EFHD1: variants seen among roughly 807,000 people sequenced by gnomAD.
EFHD1 encodes EF-hand domain family member D1, also known as EF-hand domain-containing protein D1.
A neutral mutation model predicts 17.2 loss-of-function variants in EFHD1; 10 were observed. The observed-to-expected ratio is 0.58, with a 90% CI of 0.36 to 0.99. The LOEUF (loss-of-function observed/expected upper bound fraction) is 0.99. Ranked by LOEUF, EFHD1 falls within the 50% of genes least tolerant of loss-of-function variation. EFHD1 has a pLI of 0.01. For missense variants in EFHD1, 310 were observed against 327.5 expected (o/e 0.95, Z 0.41); for synonymous variants, 153 against 142.0 (o/e 1.08, Z -0.55).
chr2:232,667,112 T>G (rs1229344937), intron 2 of EFHD1, among the ~76,000 whole-genome samples: 1 of 152,208 alleles, frequency 6.6e-6, no homozygotes, highest in African/African-American at 2.4e-5. Context: ...TTCCAGCTTC[T>G]GAAACTGTGA....
intron 1 of EFHD1, among the ~76,000 whole-genome samples, chr2:232,651,038 G>T (rs1190650728): frequency 6.6e-6 from 1 of 152,168 alleles, no homozygotes; most frequent in Non-Finnish European, 1.5e-5. Flanking sequence ...AAGGAAAGAC[G>T]GTGATCATTT....
intron 1 of EFHD1, among the ~76,000 whole-genome samples, chr2:232,639,581 T>A (rs943641471): frequency 2.0e-5 from 3 of 152,168 alleles, no homozygotes; most frequent in Non-Finnish European, 2.9e-5. Context: ...GACCAACTAG[T>A]ATATAGGAAT....
chr2:232,663,068 C>A, intron 2 of EFHD1, 119 bp downstream of exon 2: 2 of 1,173,354 alleles, frequency 1.7e-6, no homozygotes, highest in Non-Finnish European at 2.3e-6. Context: ...GCGTATCTAA[C>A]CTGCAATTCC....
At chr2:232,617,853 G>A (rs1693956226) in intron 1 of EFHD1, among the ~76,000 whole-genome samples, 1 of 151,226 alleles carries the variant, frequency 6.6e-6, no homozygotes, top group Non-Finnish European at 1.5e-5. Context: ...GGAGGCTGAG[G>A]CAGGAGAATC....
At chr2:232,681,512 C>G (rs1375269176) in intron 3 of EFHD1, 73 bp from the exon 4 acceptor site, 1 of 1,559,788 alleles carries the variant, frequency 6.4e-7, no homozygotes, top group Non-Finnish European at 8.7e-7. Context: ...GGGCTGTTGG[C>G]TCAGGTGTCA....
intron 1 of EFHD1, among the ~76,000 whole-genome samples, chr2:232,646,698 C>T (rs900503382): frequency 4.6e-5 from 7 of 152,156 alleles, no homozygotes; most frequent in Admixed American, 1.3e-4. Flanking sequence ...CCACCCACCT[C>T]GGTCCCAGAA....
At chr2:232,650,099 G>C (rs1369433468) in intron 1 of EFHD1, 1 of 152,000 alleles carries the variant, frequency 6.6e-6, no homozygotes, top group African/African-American at 2.4e-5. Flanking sequence ...TTGCTCCTGT[G>C]AATAGCCACT....
intron 2 of EFHD1, among the ~76,000 whole-genome samples, chr2:232,670,394 T>C (rs917337998): frequency 6.6e-6 from 1 of 151,872 alleles, no homozygotes; most frequent in Non-Finnish European, 1.5e-5. Context: ...TGAGCCGAGA[T>C]CGAGCCATTG....
chr2:232,664,557 C>T (rs188542094), intron 2 of EFHD1, among the ~76,000 whole-genome samples: 2 of 151,702 alleles, frequency 1.3e-5, no homozygotes, highest in East Asian at 3.9e-4. Flanking sequence ...TCTTGGCCTC[C>T]CAAAGTGTTG....
At chr2:232,645,909 A>G (rs1393949325) in intron 1 of EFHD1, among the ~76,000 whole-genome samples, 2 of 152,138 alleles carry the variant, frequency 1.3e-5, no homozygotes, top group Non-Finnish European at 2.9e-5. Context: ...TGCCCGTCTC[A>G]CTAATGTTCT....
chr2:232,616,850 AAAACAT>A (rs1693936239), intron 1 of EFHD1, among the ~76,000 whole-genome samples: 1 of 152,256 alleles, frequency 6.6e-6, no homozygotes, highest in African/African-American at 2.4e-5. Context: ...CCACAAATTT[AAAACAT>A]AAACTTAGTG....
upstream of EFHD1, among the ~76,000 whole-genome samples, chr2:232,632,321 C>A (rs1694218012): frequency 6.6e-6 from 1 of 152,188 alleles, no homozygotes; most frequent in Non-Finnish European, 1.5e-5. Flanking sequence ...TAACCCAGGT[C>A]CCCCGCATGC....
At chr2:232,645,735 C>T (rs1694515468) in intron 1 of EFHD1, among the ~76,000 whole-genome samples, 2 of 152,320 alleles carry the variant, frequency 1.3e-5, no homozygotes, top group South Asian at 4.1e-4. Context: ...CATGGGAACT[C>T]ATGCTTCACG....
Position 232,644,450 on chromosome 2 carries a change from A to G in EFHD1, c.302+10444A>G, listed in dbSNP as rs142099471. On this transcript the variant is annotated intron_variant, in intron 1 of 3. Coordinates refer to ENST00000264059, the MANE Select transcript of EFHD1 (RefSeq NM_025202.4). ...CCTCTGTTGGCTTGGAGGCCTTTGT[A>G]TAAGTCAGGTGTGAGTGTGTGTTGG... Among the ~76,000 whole-genome samples the G allele has an allele frequency of 2.0e-5, 3 of 151,852 alleles. No homozygotes were observed. The East Asian group carries it at 5.8e-4, about 29-fold the overall frequency.
chr2:232,655,320 T>G (rs1037607733), intron 1 of EFHD1, among the ~76,000 whole-genome samples: 4 of 152,144 alleles, frequency 2.6e-5, no homozygotes, highest in Non-Finnish European at 2.9e-5. Flanking sequence ...GTACCTGCCC[T>G]TAGTGGTCAT....
chr2:232,672,411 G>A lies in EFHD1; in HGVS notation c.553G>A (p.Val185Ile), dbSNP rs1695092113. 3 of 1,610,914 alleles carry A rather than the reference G, an allele frequency of 1.9e-6. No individual in the cohort carries two copies. The highest frequency in any genetic ancestry group is 2.5e-6 in the Non-Finnish European group (3 of 1,178,660). ...LSEIDVALEG[V>I]KGAKNFFEAK... ...TGAGATCGATGTGGCCCTGGAGGGT[G>A]TCAAAGGTGCCAAGAACTTCTTTGA... Residue 185 changes from valine (V) to isoleucine (I), a missense_variant, in exon 3 of 4, where the codon GTC becomes ATC. By Grantham distance (29) the Val-to-Ile change is conservative. Coordinates refer to ENST00000264059, the MANE Select transcript of EFHD1 (RefSeq NM_025202.4).
intron 1 of EFHD1, among the ~76,000 whole-genome samples, chr2:232,627,014 G>GTCTC (rs34012045): frequency 0.17 from 11,517 of 68,610 alleles, 1,277 homozygotes; most frequent in Non-Finnish European, 0.21. Flanking sequence ...GTGAGATCCT[G>GTCTC]TCTCTCTCTC....
upstream of EFHD1, among the ~76,000 whole-genome samples, chr2:232,631,223 G>A (rs904549531): frequency 7.9e-5 from 12 of 151,146 alleles, no homozygotes; most frequent in Admixed American, 1.3e-4. Flanking sequence ...GCAAAACTCC[G>A]TCTTAAAAAA....
At chr2:232,629,747 G>A (rs1364365722), upstream of EFHD1, among the ~76,000 whole-genome samples, 4 of 151,674 alleles carry the variant, frequency 2.6e-5, no homozygotes, top group African/African-American at 9.7e-5. Flanking sequence ...GGGATTATAG[G>A]CATGAGCCAC....
Sources: gnomAD v4.1 joint callset for allele counts (sites outside exome capture counted in the v4.1 genomes callset) on GRCh38, gnomAD v4.1.1 for gene constraint, MANE v1.5 for transcripts, NCBI Gene and HGNC (gene_info 2026-07-23, HGNC 2026-07-21) for gene names.